The following TSHZ2 variants were observed in gnomAD, a reference collection of about 807,000 sequenced individuals.
TSHZ2 encodes teashirt homolog 2.
A neutral mutation model predicts 74.4 loss-of-function variants in TSHZ2; 21 were observed. The observed-to-expected ratio is 0.28, with a 90% CI of 0.20 to 0.41. The LOEUF is 0.41. TSHZ2 is among the 10% of genes least tolerant of loss of function. TSHZ2 has a pLI of 1.00. For missense variants in TSHZ2, 1,244 were observed against 1,293.5 expected (o/e 0.96, Z 0.59); for synonymous variants, 540 against 515.3 (o/e 1.05, Z -0.65).
At chr20:53,240,649 G>GA (rs968178208) in intron 1 of TSHZ2, among the ~76,000 whole-genome samples, 1 of 151,432 alleles carries the variant, frequency 6.6e-6, no homozygotes, top group African/African-American at 2.4e-5. Flanking sequence ...TCCAAGAAAA[G>GA]AAAAACTATC....
At chr20:53,454,220 T>C (rs1020650320) in intron 2 of TSHZ2, among the ~76,000 whole-genome samples, 4 of 152,124 alleles carry the variant, frequency 2.6e-5, no homozygotes, top group African/African-American at 9.7e-5. Context: ...TTAACTGTCT[T>C]AGGCTGTGGA....
In TSHZ2 at chr20:53,460,598, C is replaced by T. The variant is rs4325822; in HGVS notation, c.*9-26546C>T. On this transcript the variant is annotated intron_variant, in intron 2 of 2. Coordinates refer to ENST00000371497, the MANE Select transcript of TSHZ2 (RefSeq NM_173485.6). ...TTGTTCCGTTGCTGGTGAGGAGCTGCGTTCCTTTGGAGGAGGAGAGGCGCT... is the reference window on the plus strand; with the variant it reads ...TTGTTCCGTTGCTGGTGAGGAGCTGTGTTCCTTTGGAGGAGGAGAGGCGCT... Among the ~76,000 whole-genome samples, 659 of 152,356 alleles carry T rather than the reference C, an allele frequency of 4.3e-3. 2 individuals are homozygous for T. The highest frequency in any genetic ancestry group is 0.037 in the South Asian group (181 of 4,830).
chr20:53,294,148 G>GGGGCTGGATCGT (rs1555847149), intron 2 of TSHZ2, among the ~76,000 whole-genome samples: 1 of 151,572 alleles, frequency 6.6e-6, no homozygotes, highest in Non-Finnish European at 1.5e-5. Flanking sequence ...TGAGCTAGGA[G>GGGGCTGGATCGT]GGGCTGGATC....
At chr20:53,312,520 G>A (rs1978836489) in intron 2 of TSHZ2, among the ~76,000 whole-genome samples, 1 of 152,212 alleles carries the variant, frequency 6.6e-6, no homozygotes, top group African/African-American at 2.4e-5. Flanking sequence ...TAATGTATAT[G>A]AGAAGAGGAG....
At chr20:53,214,303 G>A (rs1245067887) in intron 1 of TSHZ2, among the ~76,000 whole-genome samples, 3 of 152,164 alleles carry the variant, frequency 2.0e-5, no homozygotes, top group African/African-American at 4.8e-5. Flanking sequence ...GAACAAATAA[G>A]TATAAAATAT....
intron 2 of TSHZ2, among the ~76,000 whole-genome samples, chr20:53,466,625 T>C (rs1397491614): frequency 5.9e-5 from 9 of 152,130 alleles, no homozygotes; most frequent in Admixed American, 5.9e-4. Context: ...TACAGGAAAA[T>C]TGCCTCCTTT....
chr20:53,480,582 A>AT lies in TSHZ2; in HGVS notation c.*9-6562_*9-6561insT, dbSNP rs1328713206. ...ACCCTACCTTCTAAAAAAAAAAAAA[A>AT]GAAAAAAATAAAAAATGGGTGCAGG... On this transcript the variant is annotated intron_variant, in intron 2 of 2. Coordinates refer to ENST00000371497, the MANE Select transcript of TSHZ2 (RefSeq NM_173485.6). Among the ~76,000 whole-genome samples the AT allele has an allele frequency of 8.8e-4, 133 of 150,420 alleles. 1 individual carries two copies. Among genetic ancestry groups the AT allele is most frequent in the East Asian group, 1.6e-3 (8 of 5,092 alleles).
At chr20:53,232,582 T>C (rs1310654968) in intron 1 of TSHZ2, among the ~76,000 whole-genome samples, 3 of 152,336 alleles carry the variant, frequency 2.0e-5, no homozygotes, top group African/African-American at 7.2e-5. Context: ...TTGTGTTAAA[T>C]ATTGAATTAG....
At chr20:53,411,734 C>G (rs112703938) in intron 2 of TSHZ2, among the ~76,000 whole-genome samples, 1 of 152,016 alleles carries the variant, frequency 6.6e-6, no homozygotes. Context: ...GAGGCTGAGG[C>G]AAGAGGATAT....
chr20:53,440,358 G>A (rs1404047301), intron 2 of TSHZ2, among the ~76,000 whole-genome samples: 2 of 152,348 alleles, frequency 1.3e-5, no homozygotes, highest in Non-Finnish European at 2.9e-5. Context: ...CCCTAATGGA[G>A]CTGAGCCTTC....
intron 1 of TSHZ2, among the ~76,000 whole-genome samples, chr20:53,017,429 C>T (rs576998882): frequency 4.2e-4 from 64 of 152,086 alleles, no homozygotes; most frequent in East Asian, 7.7e-4. Flanking sequence ...ACATAGCATA[C>T]GGGCCAACAT....
At chr20:53,088,492 G>A (rs6022274) in intron 1 of TSHZ2, among the ~76,000 whole-genome samples, 1 of 152,188 alleles carries the variant, frequency 6.6e-6, no homozygotes, top group African/African-American at 2.4e-5. Flanking sequence ...GAGGATCTCA[G>A]CGTTGGCCCT....
intron 1 of TSHZ2, among the ~76,000 whole-genome samples, chr20:53,095,770 C>T (rs939185804): frequency 1.3e-5 from 2 of 152,170 alleles, no homozygotes; most frequent in South Asian, 2.1e-4. Context: ...TCTTACCCCC[C>T]ACCCCAGTTC....
intron 2 of TSHZ2, among the ~76,000 whole-genome samples, chr20:53,396,184 G>A (rs1221915113): frequency 2.0e-5 from 3 of 152,166 alleles, no homozygotes; most frequent in Admixed American, 6.5e-5. Context: ...TGATCCACCC[G>A]CCTTGGCCTC....
intron 2 of TSHZ2, among the ~76,000 whole-genome samples, chr20:53,285,642 G>A (rs1198484089): frequency 6.6e-6 from 1 of 152,018 alleles, no homozygotes; most frequent in Admixed American, 6.6e-5. Flanking sequence ...CCCAGGAGGT[G>A]GAGGTTGCAG....
rs1461444876 is a variant in TSHZ2, at chr20:53,488,708, TA to T, written c.*1574del. 3 of 281,558 alleles carry T rather than the reference TA, an allele frequency of 1.1e-5. No homozygotes were observed. Among genetic ancestry groups the T allele is most frequent in the African/African-American group, 6.8e-5 (3 of 44,368 alleles). The allele number at this position is 281,558 out of a possible 1,614,324, so 17.4% of individuals were successfully genotyped here. A position where few individuals can be genotyped will look rare whatever the true frequency, so the allele number is the denominator to read the frequency against. On this transcript the variant is annotated 3_prime_UTR_variant, in exon 3 of 3. Coordinates refer to ENST00000371497, the MANE Select transcript of TSHZ2 (RefSeq NM_173485.6). ...CTGTTGTTGCTTTAATTACCAAGGTTATTTTTTTTTAATCTCAACACTGACA... is the reference window on the plus strand; with the variant it reads ...CTGTTGTTGCTTTAATTACCAAGGTTTTTTTTTTTAATCTCAACACTGACA...
chr20:53,164,061 C>T (rs992739512), intron 1 of TSHZ2, among the ~76,000 whole-genome samples: 8 of 152,056 alleles, frequency 5.3e-5, no homozygotes, highest in Non-Finnish European at 1.0e-4. Context: ...TCCTTTATTA[C>T]AGGACATTTA....
At chr20:53,181,102 C>T (rs571280835) in intron 1 of TSHZ2, among the ~76,000 whole-genome samples, 1 of 152,172 alleles carries the variant, frequency 6.6e-6, no homozygotes, top group South Asian at 2.1e-4. Context: ...AGTGTTTTTG[C>T]AGTTAAGTTT....
rs536292630 is a variant in TSHZ2, at chr20:53,260,664, C to T, written c.*8+4093C>T. 5.9e-5 allele frequency among the ~76,000 whole-genome samples: 9 copies of T among 152,324 alleles called. No individual in the cohort carries two copies. In the South Asian group the frequency reaches 1.9e-3, roughly 32 times the overall value. On this transcript the variant is annotated intron_variant, in intron 2 of 2. Coordinates refer to ENST00000371497, the MANE Select transcript of TSHZ2 (RefSeq NM_173485.6). The stretch of plus-strand genomic sequence containing the variant: ...TTCATGAAGACATGCCCCACTTCTA[C>T]ATCTTTATGATGTGGACATAATATC...
Sources: gnomAD v4.1 joint callset for allele counts (sites outside exome capture counted in the v4.1 genomes callset) on GRCh38, gnomAD v4.1.1 for gene constraint, MANE v1.5 for transcripts, NCBI Gene and HGNC (gene_info 2026-07-23, HGNC 2026-07-21) for gene names.